The following KCNH8 variants were observed in gnomAD, a reference collection of about 807,000 sequenced individuals.
The protein encoded by KCNH8 is voltage-gated delayed rectifier potassium channel KCNH8.
In KCNH8, 70 loss-of-function variants were observed where a neutral mutation model predicts 103.6. The ratio of observed to expected loss-of-function variants is 0.68; its 90% confidence interval spans 0.56 to 0.82. The LOEUF (loss-of-function observed/expected upper bound fraction) is 0.82. Among genes scored for constraint, KCNH8 ranks in the 40% least tolerant of loss-of-function variants. KCNH8 has a pLI of 0.00. For synonymous variants in KCNH8, 498 were observed against 489.4 expected (o/e 1.02, Z -0.23); for missense variants, 1,217 against 1,329.9 (o/e 0.92, Z 1.32).
chr3:19,237,875 C>G (rs949238146), intron 1 of KCNH8, among the ~76,000 whole-genome samples: 1 of 151,914 alleles, frequency 6.6e-6, no homozygotes, highest in Admixed American at 6.6e-5. Flanking sequence ...GAAAAAAATG[C>G]GATTAAAGGT....
intron 2 of KCNH8, among the ~76,000 whole-genome samples, chr3:19,262,595 T>C (rs977598797): frequency 1.2e-4 from 19 of 152,012 alleles, no homozygotes; most frequent in African/African-American, 4.1e-4. Flanking sequence ...GTTCTTCACT[T>C]AACATACAAA....
chr3:19,442,210 C>T (rs755572610), intron 8 of KCNH8, among the ~76,000 whole-genome samples: 7 of 152,166 alleles, frequency 4.6e-5, no homozygotes, highest in African/African-American at 1.2e-4. Flanking sequence ...TTATATCCAG[C>T]GTTATGACTT....
chr3:19,430,078 C>T, intron 7 of KCNH8, among the ~76,000 whole-genome samples: 1 of 152,254 alleles, frequency 6.6e-6, no homozygotes, highest in East Asian at 1.9e-4. Context: ...TGGGTATATA[C>T]CCAGTAATGG....
At chr3:19,507,210 C>G (rs1395223897) in intron 11 of KCNH8, among the ~76,000 whole-genome samples, 1 of 152,160 alleles carries the variant, frequency 6.6e-6, no homozygotes, top group Admixed American at 6.5e-5. Flanking sequence ...GCTTGGAGCA[C>G]AGGTGAAGCC....
At chr3:19,477,260 A>G (rs1241387110) in intron 11 of KCNH8, among the ~76,000 whole-genome samples, 1 of 152,160 alleles carries the variant, frequency 6.6e-6, no homozygotes, top group Admixed American at 6.5e-5. Context: ...CTGATGTAAA[A>G]TATCATAATG....
chr3:19,300,999 C>G (rs903953846), intron 3 of KCNH8, among the ~76,000 whole-genome samples: 1 of 151,578 alleles, frequency 6.6e-6, no homozygotes, highest in African/African-American at 2.4e-5. Context: ...TGAGTGCTTA[C>G]AAGATATTCT....
At chr3:19,437,156 A>T (rs2067211301) in intron 7 of KCNH8, among the ~76,000 whole-genome samples, 1 of 152,180 alleles carries the variant, frequency 6.6e-6, no homozygotes, top group Admixed American at 6.5e-5. Flanking sequence ...AGTGTTTATT[A>T]GAAAGTAGTA....
intron 5 of KCNH8, among the ~76,000 whole-genome samples, chr3:19,348,378 A>G (rs2065755878): frequency 6.6e-6 from 1 of 152,012 alleles, no homozygotes; most frequent in Non-Finnish European, 1.5e-5. Context: ...CCCTTTCAGC[A>G]TGTTGATGGT....
At chr3:19,373,558 A>C (rs954300608) in intron 5 of KCNH8, among the ~76,000 whole-genome samples, 1 of 152,246 alleles carries the variant, frequency 6.6e-6, no homozygotes, top group East Asian at 1.9e-4. Flanking sequence ...TTCAAAAACC[A>C]GCTCCTGGAT....
At chr3:19,193,207 C>T (rs538234836) in intron 1 of KCNH8, among the ~76,000 whole-genome samples, 6 of 151,506 alleles carry the variant, frequency 4.0e-5, no homozygotes, top group Admixed American at 1.3e-4. Context: ...TTTCTAATGC[C>T]GATATTTAAT....
chr3:19,421,740 A>G (rs2066954272), intron 7 of KCNH8, among the ~76,000 whole-genome samples: 1 of 152,004 alleles, frequency 6.6e-6, no homozygotes, highest in South Asian at 2.1e-4. Flanking sequence ...ATCAATTTTG[A>G]GTCAGTTACA....
chr3:19,450,993 G>GA (rs1260170124), intron 9 of KCNH8, 162 bp from the exon 10 acceptor site: 3 of 681,048 alleles, frequency 4.4e-6, no homozygotes, highest in Non-Finnish European at 7.7e-6. Context: ...CACAGTCACT[G>GA]AAAAATCTCT....
At chr3:19,369,046 TA>T (rs1378664945) in intron 5 of KCNH8, among the ~76,000 whole-genome samples, 1 of 152,058 alleles carries the variant, frequency 6.6e-6, no homozygotes, top group African/African-American at 2.4e-5. Context: ...ATATTCGTCT[TA>T]GTTTATGGAT....
At chr3:19,257,574 T>C (rs1318604952) in intron 2 of KCNH8, among the ~76,000 whole-genome samples, 2 of 152,114 alleles carry the variant, frequency 1.3e-5, no homozygotes, top group African/African-American at 2.4e-5. Context: ...TTAGCTTTTA[T>C]ATGTTTATCT....
chr3:19,485,774 C>G (rs1395944328), intron 11 of KCNH8, among the ~76,000 whole-genome samples: 4 of 152,224 alleles, frequency 2.6e-5, no homozygotes, highest in African/African-American at 9.6e-5. Flanking sequence ...CCTAGGGCCA[C>G]TGAGGTGGAG....
intron 7 of KCNH8, among the ~76,000 whole-genome samples, chr3:19,423,698 G>T (rs796413091): frequency 3.3e-5 from 5 of 151,900 alleles, no homozygotes; most frequent in African/African-American, 1.2e-4. Flanking sequence ...GGGCATTTAG[G>T]CTGGTTTCAT....
At chr3:19,162,466 C>T (rs2063243698) in intron 1 of KCNH8, among the ~76,000 whole-genome samples, 1 of 151,620 alleles carries the variant, frequency 6.6e-6, no homozygotes. Flanking sequence ...AAGATCACGC[C>T]ACTGCACTCC....
At chr3:19,223,265 G>T (rs77813736) in intron 1 of KCNH8, among the ~76,000 whole-genome samples, 1 of 151,940 alleles carries the variant, frequency 6.6e-6, no homozygotes, top group Non-Finnish European at 1.5e-5. Flanking sequence ...AGGTCTCAAC[G>T]TAAAATTAAA....
At position 19,268,822 on chromosome 3, in the gene KCNH8, G is replaced by A. The variant is rs375449036; in HGVS notation, c.311-12376G>A. Among the ~76,000 whole-genome samples the A allele has an allele frequency of 1.5e-4, 23 of 152,200 alleles. No homozygotes were observed. The South Asian group carries it at 4.3e-3, about 29-fold the overall frequency. On this transcript the variant is annotated intron_variant, in intron 2 of 15. Transcript: ENST00000328405. ...TCTGATGCTCACTAAAGGTTGAGAA[G>A]CCATGGCTTGGTCCAGGATGTAGCC... is the stretch of plus-strand genomic sequence containing the variant.
Sources: allele counts gnomAD v4.1 joint callset (sites outside exome capture counted in the v4.1 genomes callset), GRCh38; gene constraint gnomAD v4.1.1; transcripts MANE v1.5; gene names NCBI Gene and HGNC (gene_info 2026-07-23, HGNC 2026-07-21).